The following DPP6 variants were observed in gnomAD, a reference collection of about 807,000 sequenced individuals.
The protein encoded by DPP6 is dipeptidyl peptidase like 6.
A neutral mutation model predicts 122.6 loss-of-function variants in DPP6; 69 were observed. The observed-to-expected ratio is 0.56, with a 90% confidence interval of 0.46 to 0.69. The LOEUF (loss-of-function observed/expected upper bound fraction) is 0.69, where lower values mean the gene tolerates loss of function less well. Ranked by LOEUF, DPP6 falls within the 30% of genes least tolerant of loss-of-function variation. DPP6 has a pLI of 0.00. For synonymous variants in DPP6, 418 were observed against 433.1 expected, an observed-to-expected ratio of 0.97 and a Z score of 0.43; for missense variants, 928 against 1,116.9, an observed-to-expected ratio of 0.83 and a Z score of 2.41.
At chr7:154,454,237 C>T (rs1820634121) in intron 2 of DPP6, among the ~76,000 whole-genome samples, 1 of 152,188 alleles carries the variant, frequency 6.6e-6, no homozygotes, top group Non-Finnish European at 1.5e-5. Context: ...CTCCTCCGTG[C>T]CTGCTCACAC....
intron 1 of DPP6, among the ~76,000 whole-genome samples, chr7:154,415,085 C>G (rs1252559415): frequency 6.6e-6 from 1 of 152,158 alleles, no homozygotes; most frequent in African/African-American, 2.4e-5. Context: ...CTTCCTTCCA[C>G]ACCCTGATAG....
chr7:154,612,948 G>C (rs1371221674), intron 5 of DPP6, among the ~76,000 whole-genome samples: 1 of 152,196 alleles, frequency 6.6e-6, no homozygotes, highest in Non-Finnish European at 1.5e-5. Context: ...GAAAGTTTAA[G>C]ATCTGGGTGC....
chr7:154,583,369 G>A (rs909876074), intron 5 of DPP6, among the ~76,000 whole-genome samples: 3 of 152,292 alleles, frequency 2.0e-5, no homozygotes, highest in East Asian at 1.9e-4. Flanking sequence ...ATTTGAGGCC[G>A]CTCACCCCTC....
intron 1 of DPP6, among the ~76,000 whole-genome samples, chr7:154,411,808 A>G (rs17174406): frequency 0.081 from 12,399 of 152,190 alleles, 578 homozygotes; most frequent in East Asian, 0.11. Context: ...TTTTAACTCT[A>G]TGATTTGGGC....
In DPP6 at chr7:154,187,655, G is replaced by A. The variant is rs140780722; in HGVS notation, c.243+134592G>A. Among the ~76,000 whole-genome samples, 564 of 152,262 alleles carry A rather than the reference G, an allele frequency of 3.7e-3. 5 individuals carry two copies. The highest frequency in any genetic ancestry group is 0.013 in the African/African-American group (534 of 41,554). ...TCACGAAGGGCAGTGTGATAGAACCGAGCAATGAACAGGATGTAAGAAATC... is the reference window on the plus strand; with the variant it reads ...TCACGAAGGGCAGTGTGATAGAACCAAGCAATGAACAGGATGTAAGAAATC... On this transcript the variant is annotated intron_variant, in intron 1 of 25. Transcript: ENST00000377770.
intron 1 of DPP6, among the ~76,000 whole-genome samples, chr7:154,093,189 G>A (rs1408758217): frequency 2.0e-5 from 3 of 148,000 alleles, no homozygotes; most frequent in East Asian, 4.1e-4. Context: ...TACACCACAT[G>A]CCACACAACT....
chr7:154,535,970 C>T (rs1475447821), intron 3 of DPP6, among the ~76,000 whole-genome samples: 2 of 152,012 alleles, frequency 1.3e-5, no homozygotes, highest in Non-Finnish European at 2.9e-5. Flanking sequence ...TGGCAGTTTC[C>T]CATAAAGTTA....
At chr7:154,598,426 T>C (rs530648975) in intron 5 of DPP6, among the ~76,000 whole-genome samples, 5 of 152,314 alleles carry the variant, frequency 3.3e-5, no homozygotes, top group African/African-American at 1.2e-4. Flanking sequence ...CTTTGGCCAT[T>C]GTGTAGATCC....
chr7:154,066,903 C>T lies in DPP6; in HGVS notation c.243+13840C>T, dbSNP rs558157591. ...AGTCTAGAATAGTGCAGTTGGTTAG[C>T]ACTCTCTGGTGACAGAAAGGCTGTC... is the stretch of plus-strand genomic sequence containing the variant. On this transcript the variant is annotated intron_variant, in intron 1 of 25. Transcript: ENST00000377770. Among the ~76,000 whole-genome samples the T allele has an allele frequency of 9.2e-5, 14 of 151,518 alleles. No individual in the cohort carries two copies. In the East Asian group the frequency reaches 2.7e-3, roughly 30 times the overall value.
At chr7:154,588,088 T>C in intron 5 of DPP6, 1 of 1,598,388 alleles carries the variant, frequency 6.3e-7, no homozygotes, top group Non-Finnish European at 8.6e-7. Context: ...CGAGTGAGCC[T>C]TGCAGCCTCT....
intron 16 of DPP6, among the ~76,000 whole-genome samples, chr7:154,842,766 G>T (rs1240981453): frequency 1.3e-5 from 2 of 152,156 alleles, no homozygotes; most frequent in Non-Finnish European, 2.9e-5. Context: ...GTTTTTAAAG[G>T]GCCAAATGTT....
chr7:154,284,501 T>C (rs1804724306), intron 1 of DPP6, among the ~76,000 whole-genome samples: 5 of 152,204 alleles, frequency 3.3e-5, no homozygotes, highest in Admixed American at 3.3e-4. Context: ...TGGAATATTA[T>C]TCAGCCTTAA....
intron 1 of DPP6, among the ~76,000 whole-genome samples, chr7:154,185,853 G>A (rs1277800231): frequency 2.6e-5 from 4 of 152,154 alleles, no homozygotes; most frequent in Non-Finnish European, 5.9e-5. Context: ...CTTAAGCAAG[G>A]TTCTGCATTC....
the DPP6 span, among the ~76,000 whole-genome samples, chr7:153,875,865 A>G: frequency 6.6e-6 from 1 of 151,170 alleles, no homozygotes; most frequent in Non-Finnish European, 1.5e-5. Flanking sequence ...AAATTGTCAG[A>G]CTGAATTAGC....
chr7:154,397,759 C>T (rs1358022268), intron 1 of DPP6, among the ~76,000 whole-genome samples: 1 of 152,176 alleles, frequency 6.6e-6, no homozygotes, highest in African/African-American at 2.4e-5. Flanking sequence ...CTTTTAAACA[C>T]TCCTGAGATG....
At chr7:154,568,924 C>A (rs1830937409) in intron 5 of DPP6, among the ~76,000 whole-genome samples, 1 of 152,148 alleles carries the variant, frequency 6.6e-6, no homozygotes, top group Non-Finnish European at 1.5e-5. Flanking sequence ...CAGCACTGAG[C>A]AGTTACTGTA....
At chr7:154,570,131 G>A (rs1409542193) in intron 5 of DPP6, among the ~76,000 whole-genome samples, 1 of 151,960 alleles carries the variant, frequency 6.6e-6, no homozygotes, top group Admixed American at 6.5e-5. Context: ...TGTCTTGGCA[G>A]TGGCTCAAGT....
At chr7:154,636,408 C>A (rs1488604862) in intron 5 of DPP6, among the ~76,000 whole-genome samples, 1 of 152,220 alleles carries the variant, frequency 6.6e-6, no homozygotes, top group African/African-American at 2.4e-5. Flanking sequence ...GGGCAAGCAG[C>A]ACCACTCATC....
intron 1 of DPP6, among the ~76,000 whole-genome samples, chr7:154,229,013 T>C (rs572570710): frequency 3.3e-5 from 5 of 152,338 alleles, no homozygotes; most frequent in Admixed American, 3.3e-4. Context: ...CCTTGTTTGA[T>C]GAGAGGAGTG....
Sources: allele counts gnomAD v4.1 joint callset (sites outside exome capture counted in the v4.1 genomes callset), GRCh38; gene constraint gnomAD v4.1.1; transcripts MANE v1.5; gene names NCBI Gene and HGNC (gene_info 2026-07-23, HGNC 2026-07-21).